The following RANBP2 variants were observed in gnomAD, a reference collection of about 807,000 sequenced individuals.
The protein encoded by RANBP2 is RAN binding protein 2.
Under a neutral mutation model 303.6 loss-of-function variants are expected in RANBP2, and 57 were observed. The observed-to-expected ratio is 0.19, with a 90% CI of 0.15 to 0.23. RANBP2 has a LOEUF of 0.23. RANBP2 is among the 10% of genes least tolerant of loss of function. RANBP2 has a pLI of 1.00. For synonymous variants in RANBP2, 1,167 were observed against 1,301.5 expected, an observed-to-expected ratio of 0.90 and a Z score of 2.23; for missense variants, 3,138 against 3,780.8, an observed-to-expected ratio of 0.83 and a Z score of 4.46.
chr2:108,923,524 G>T, the RANBP2 span: 1 of 1,435,800 alleles, frequency 7.0e-7, no homozygotes, highest in South Asian at 1.1e-5. Context: ...CTGGTGCAGA[G>T]AGCACGGTGG....
chr2:108,803,118 G>T, the RANBP2 span, among the ~76,000 whole-genome samples: 1 of 152,186 alleles, frequency 6.6e-6, no homozygotes. Context: ...TGCTCTGGGT[G>T]TTTTTTGTGC....
chr2:108,790,421 A>G (rs1679716826), downstream of RANBP2, among the ~76,000 whole-genome samples: 1 of 152,228 alleles, frequency 6.6e-6, no homozygotes, highest in Non-Finnish European at 1.5e-5. Flanking sequence ...GTCTGAAACT[A>G]TGCTGTCCAG....
the RANBP2 span, among the ~76,000 whole-genome samples, chr2:109,360,528 A>T: frequency 6.6e-6 from 1 of 152,240 alleles, no homozygotes. Flanking sequence ...TCCCATACCC[A>T]AGATATCTCA....
chr2:109,108,772 C>T, the RANBP2 span, among the ~76,000 whole-genome samples: 1 of 152,200 alleles, frequency 6.6e-6, no homozygotes. Flanking sequence ...CACCGGTCCC[C>T]CAAAGCCCCT....
At chr2:109,214,771 AC>A in the RANBP2 span, among the ~76,000 whole-genome samples, 1 of 152,126 alleles carries the variant, frequency 6.6e-6, no homozygotes, top group Non-Finnish European at 1.5e-5. Context: ...CTGTGGCTTC[AC>A]CCCTCTGGAC....
the RANBP2 span, among the ~76,000 whole-genome samples, chr2:109,195,924 T>C: frequency 6.6e-6 from 1 of 152,192 alleles, no homozygotes. Context: ...CATTACTGAC[T>C]GAGCACCTCG....
At chr2:109,554,569 G>A in the RANBP2 span, among the ~76,000 whole-genome samples, 840 of 152,084 alleles carry the variant, frequency 5.5e-3, 11 homozygotes, top group South Asian at 0.057. Context: ...TGAACTTAAC[G>A]CTTACAGCTT....
At chr2:109,278,330 G>A in the RANBP2 span, among the ~76,000 whole-genome samples, 25 of 152,206 alleles carry the variant, frequency 1.6e-4, no homozygotes, top group African/African-American at 4.1e-4. Context: ...GCTGGTGCCC[G>A]TAATGGGGGT....
the RANBP2 span, among the ~76,000 whole-genome samples, chr2:108,825,428 C>G: frequency 6.6e-6 from 1 of 151,606 alleles, no homozygotes; most frequent in Non-Finnish European, 1.5e-5. Flanking sequence ...TATCTCCTCT[C>G]TCCAAAAAAA....
chr2:109,548,593 C>T, the RANBP2 span, among the ~76,000 whole-genome samples: 6 of 151,780 alleles, frequency 4.0e-5, no homozygotes, highest in African/African-American at 1.2e-4. Flanking sequence ...CTGGGCAACA[C>T]GGGGAAACCC....
At chr2:108,937,410 G>A in the RANBP2 span, among the ~76,000 whole-genome samples, 1 of 152,110 alleles carries the variant, frequency 6.6e-6, no homozygotes, top group Non-Finnish European at 1.5e-5. Context: ...GTATCTGTGA[G>A]CACCTATGTG....
At chr2:109,125,194 C>G in the RANBP2 span, among the ~76,000 whole-genome samples, 1 of 152,146 alleles carries the variant, frequency 6.6e-6, no homozygotes, top group African/African-American at 2.4e-5. Flanking sequence ...AGCTGCTGAA[C>G]TCTCGGTGCT....
the RANBP2 span, among the ~76,000 whole-genome samples, chr2:109,465,428 C>G: frequency 6.6e-6 from 1 of 152,162 alleles, no homozygotes; most frequent in African/African-American, 2.4e-5. Flanking sequence ...GTGGCTGCAC[C>G]ATTTTGCTTT....
At chr2:109,047,766 G>A in the RANBP2 span, among the ~76,000 whole-genome samples, 11 of 152,358 alleles carry the variant, frequency 7.2e-5, no homozygotes, top group African/African-American at 2.2e-4. Flanking sequence ...CTGAGATTGC[G>A]CCATTGCGCT....
the RANBP2 span, among the ~76,000 whole-genome samples, chr2:109,674,132 G>A: frequency 2.3e-4 from 35 of 151,690 alleles, no homozygotes; most frequent in African/African-American, 7.3e-4. Flanking sequence ...GGCCTCCCCA[G>A]CACTCCTTTA....
the RANBP2 span, among the ~76,000 whole-genome samples, chr2:109,580,990 T>C: frequency 3.3e-5 from 5 of 152,140 alleles, no homozygotes; most frequent in African/African-American, 1.2e-4. Context: ...GCACTGCACA[T>C]CTGGAGAGGG....
the RANBP2 span, among the ~76,000 whole-genome samples, chr2:109,488,802 A>G: frequency 6.6e-6 from 1 of 152,334 alleles, no homozygotes; most frequent in East Asian, 1.9e-4. Flanking sequence ...CCTATTGCTC[A>G]CAACCTCCAG....
chr2:109,661,939 T>A, the RANBP2 span, among the ~76,000 whole-genome samples: 1 of 152,080 alleles, frequency 6.6e-6, no homozygotes, highest in South Asian at 2.1e-4. Context: ...TTCCAGTAAG[T>A]TTTTGGTGGT....
chr2:109,614,959 C>T, the RANBP2 span: 2 of 1,526,848 alleles, frequency 1.3e-6, no homozygotes, highest in African/African-American at 2.8e-5. Context: ...AGGAAGAACT[C>T]GCGGCGCGAC....
Sources: gnomAD v4.1 joint callset for allele counts (sites outside exome capture counted in the v4.1 genomes callset) on GRCh38, gnomAD v4.1.1 for gene constraint, MANE v1.5 for transcripts, NCBI Gene and HGNC (gene_info 2026-07-23, HGNC 2026-07-21) for gene names.